CASD1: variants seen among roughly 807,000 people sequenced by gnomAD.
The protein encoded by CASD1 is N-acetylneuraminate (7)9-O-acetyltransferase.
Under a neutral mutation model 100.0 loss-of-function variants are expected in CASD1, and 41 were observed. That is an observed-to-expected ratio of 0.41 (90% CI 0.32 to 0.53). The LOEUF (loss-of-function observed/expected upper bound fraction) is 0.53. CASD1 is among the 20% of genes least tolerant of loss of function. CASD1 has a pLI of 0.25. For synonymous variants in CASD1, 321 were observed against 315.6 expected, an observed-to-expected ratio of 1.02 and a Z score of -0.18; for missense variants, 774 against 948.7, an observed-to-expected ratio of 0.82 and a Z score of 2.42.
At chr7:94,514,504 T>C (rs1005450914) in intron 1 of CASD1, among the ~76,000 whole-genome samples, 11 of 152,192 alleles carry the variant, frequency 7.2e-5, no homozygotes, top group Non-Finnish European at 1.2e-4. Context: ...GCCAGAGATA[T>C]TCTCTTCAAA....
Position 94,547,111 on chromosome 7 carries a change from AT to A in CASD1, c.1653del (p.Phe551LeufsTer5). The A allele has an allele frequency of 6.3e-7, 1 of 1,590,826 alleles. No homozygotes were observed. Among genetic ancestry groups the A allele is most frequent in the Middle Eastern group, 1.7e-4 (1 of 5,794 alleles). ...QKKANGNCFW[H>X]FGLLLKLGFL... ...TCTCTCTTAGGAAATTGTTTCTGGCATTTTGGCTTACTGTTGAAACTAGGCT... is the reference window on the plus strand; with the variant it reads ...TCTCTCTTAGGAAATTGTTTCTGGCATTTGGCTTACTGTTGAAACTAGGCT... On this transcript the variant is annotated frameshift_variant, in exon 13 of 18. Coordinates refer to ENST00000297273, the MANE Select transcript of CASD1 (RefSeq NM_022900.5). LOFTEE classifies it high-confidence loss of function.
chr7:94,595,121 A>T, the CASD1 span, among the ~76,000 whole-genome samples: 1 of 152,162 alleles, frequency 6.6e-6, no homozygotes, highest in Non-Finnish European at 1.5e-5. Flanking sequence ...CAAATTTATC[A>T]TCTGCAAATG....
At chr7:94,629,475 T>C in the CASD1 span, 5 of 416,068 alleles carry the variant, frequency 1.2e-5, no homozygotes, top group Admixed American at 3.6e-5. Context: ...AGATCACTTG[T>C]CAGAGACATA....
At chr7:94,536,169 G>T (rs1215479317) in intron 8 of CASD1, among the ~76,000 whole-genome samples, 1 of 152,158 alleles carries the variant, frequency 6.6e-6, no homozygotes. Context: ...CTTGAACCCA[G>T]GAGGCAGAGG....
the CASD1 span, among the ~76,000 whole-genome samples, chr7:94,562,800 G>T: frequency 6.6e-6 from 1 of 152,116 alleles, no homozygotes; most frequent in Admixed American, 6.6e-5. Flanking sequence ...CCTCTTCTAT[G>T]GATGCTTCTT....
intron 3 of CASD1, among the ~76,000 whole-genome samples, chr7:94,523,420 T>TA (rs1794390646): frequency 6.6e-6 from 1 of 152,194 alleles, no homozygotes; most frequent in Admixed American, 6.5e-5. Context: ...GCCAACAATG[T>TA]AAAGTTCTAA....
chr7:94,553,278 A>G (rs1233755628), intron 16 of CASD1: 3 of 174,958 alleles, frequency 1.7e-5, no homozygotes, highest in African/African-American at 4.8e-5. Flanking sequence ...AGTAAAGCTT[A>G]TCTCTATTTG....
intron 10 of CASD1, among the ~76,000 whole-genome samples, chr7:94,542,793 G>T (rs573953449): frequency 1.3e-5 from 2 of 152,146 alleles, no homozygotes; most frequent in African/African-American, 4.8e-5. Flanking sequence ...GCACAGATTT[G>T]GATTAGATAA....
In CASD1 at chr7:94,517,693, A is replaced by G. The variant is rs751009280; in HGVS notation, c.230+37A>G. 1.6e-5 allele frequency: 20 copies of G among 1,278,190 alleles called. No individual in the cohort carries two copies. In the South Asian group the frequency reaches 2.5e-4, roughly 16 times the overall value. 79.2% of individuals were successfully genotyped at this position (1,278,190 alleles called of 1,614,324 possible). ...TCATTTTGTTGTTTTCTTTTTCAGG[A>G]TGGGTCTTAATATGTAGTGGAGAGG... is the stretch of plus-strand genomic sequence containing the variant. On this transcript the variant is annotated intron_variant, in intron 2 of 17. Coordinates refer to ENST00000297273, the MANE Select transcript of CASD1 (RefSeq NM_022900.5).
At chr7:94,584,090 A>G in the CASD1 span, among the ~76,000 whole-genome samples, 4 of 152,220 alleles carry the variant, frequency 2.6e-5, no homozygotes, top group African/African-American at 4.8e-5. Context: ...GCAAAAACCA[A>G]TGCTAATTCC....
chr7:94,523,737 C>A (rs895637742), intron 3 of CASD1, among the ~76,000 whole-genome samples: 1 of 151,960 alleles, frequency 6.6e-6, no homozygotes, highest in Non-Finnish European at 1.5e-5. Flanking sequence ...GGCAGCAGAC[C>A]AAGAATAACC....
chr7:94,611,726 A>T, the CASD1 span, among the ~76,000 whole-genome samples: 1 of 152,196 alleles, frequency 6.6e-6, no homozygotes, highest in African/African-American at 2.4e-5. Context: ...GTTCAAAGCT[A>T]TGTAAATGTA....
At chr7:94,565,604 C>G in the CASD1 span, among the ~76,000 whole-genome samples, 1 of 152,160 alleles carries the variant, frequency 6.6e-6, no homozygotes, top group Non-Finnish European at 1.5e-5. Context: ...GGATGCTTCC[C>G]TCCACCAGGA....
intron 14 of CASD1, among the ~76,000 whole-genome samples, chr7:94,550,156 G>C (rs750829612): frequency 1.3e-5 from 2 of 152,120 alleles, no homozygotes; most frequent in Admixed American, 6.6e-5. Flanking sequence ...CTATGAACTT[G>C]ATCTTGAAGA....
downstream of CASD1, among the ~76,000 whole-genome samples, chr7:94,557,769 A>G (rs988162696): frequency 2.6e-5 from 4 of 151,788 alleles, no homozygotes; most frequent in Admixed American, 6.6e-5. Context: ...AATAATCTGT[A>G]TAATTTAAAA....
intron 11 of CASD1, 101 bp downstream of exon 11, chr7:94,544,631 A>C: frequency 2.5e-6 from 3 of 1,191,764 alleles, no homozygotes; most frequent in Non-Finnish European, 3.4e-6. Flanking sequence ...TATAAGACTG[A>C]ATAATTTGAA....
At chr7:94,583,040 A>G in the CASD1 span, among the ~76,000 whole-genome samples, 2 of 152,318 alleles carry the variant, frequency 1.3e-5, no homozygotes, top group South Asian at 4.1e-4. Context: ...TGGTCAAGAT[A>G]TGAGAACAGC....
chr7:94,511,751 T>C (rs1049987966), intron 1 of CASD1, among the ~76,000 whole-genome samples: 2 of 152,238 alleles, frequency 1.3e-5, no homozygotes, highest in Non-Finnish European at 1.5e-5. Flanking sequence ...AATAAACATC[T>C]AGTCCCCTTC....
the CASD1 span, chr7:94,603,452 G>C: frequency 6.2e-7 from 1 of 1,612,380 alleles, no homozygotes; most frequent in Non-Finnish European, 8.5e-7. Flanking sequence ...TGACATAAAC[G>C]CTGTAAAAAT....
Sources: gnomAD v4.1 joint callset for allele counts (sites outside exome capture counted in the v4.1 genomes callset) on GRCh38, gnomAD v4.1.1 for gene constraint, MANE v1.5 for transcripts, NCBI Gene and HGNC (gene_info 2026-07-23, HGNC 2026-07-21) for gene names.